The following TBC1D10A variants were observed in gnomAD, a reference collection of about 807,000 sequenced individuals.
The protein encoded by TBC1D10A is TBC1 domain family member 10A.
TBC1D10A carries 24 observed loss-of-function variants against 52.9 expected under a neutral mutation model. The ratio of observed to expected loss-of-function variants is 0.45; its 90% CI spans 0.33 to 0.64. The LOEUF (loss-of-function observed/expected upper bound fraction) is 0.64, where lower values mean the gene tolerates loss of function less well. Among genes scored for constraint, TBC1D10A ranks in the 30% least tolerant of loss-of-function variants. The pLI is 0.02. For synonymous variants in TBC1D10A, 278 were observed against 282.9 expected, an observed-to-expected ratio of 0.98 and a Z score of 0.17; for missense variants, 602 against 687.9, an observed-to-expected ratio of 0.88 and a Z score of 1.40.
intron 1 of TBC1D10A, among the ~76,000 whole-genome samples, chr22:30,319,420 A>G (rs150898642): frequency 6.6e-6 from 1 of 152,348 alleles, no homozygotes; most frequent in African/African-American, 2.4e-5. Flanking sequence ...TAGGTGCTCA[A>G]TAAATGTGTG....
chr22:30,295,784 G>A lies in TBC1D10A; in HGVS notation c.477C>T (p.His159=), dbSNP rs1930066942. The stretch of plus-strand genomic sequence containing the variant: ...ACATCTCATGGAATGGGAACTGCCG[G>A]TGCAGGTCACGCTCAATCACGTCCA... ...KWLDVIERDL[H]RQFPFHEMFV... The change falls in exon 4 of 9, where the codon CAC becomes CAT. Residue 159 remains histidine, a synonymous_variant. Transcript: ENST00000215790. 5 of 1,613,976 alleles carry A rather than the reference G, an allele frequency of 3.1e-6. No homozygotes were observed. The highest frequency in any genetic ancestry group is 2.2e-5 in the East Asian group (1 of 44,898).
rs190686863 is a variant in TBC1D10A, at chr22:30,323,826, G to T, written c.209+2847C>A. On this transcript the variant is annotated intron_variant, in intron 1 of 8. Coordinates refer to ENST00000215790, the MANE Select transcript of TBC1D10A (RefSeq NM_031937.3). ...ACTAAAAATATGAAAAATTAGCCAG[G>T]TGTGGTGATGGGTGCAATCTCTGCC... Among the ~76,000 whole-genome samples, 65 of 152,266 alleles carry T rather than the reference G, an allele frequency of 4.3e-4. 2 individuals are homozygous for T. The highest frequency in any genetic ancestry group is 1.5e-3 in the African/African-American group (64 of 41,552).
intron 1 of TBC1D10A, among the ~76,000 whole-genome samples, chr22:30,305,351 G>C (rs1412113393): frequency 6.6e-6 from 1 of 152,214 alleles, no homozygotes; most frequent in Non-Finnish European, 1.5e-5. Context: ...TCATGGAGTT[G>C]ATATTCTGGT....
chr22:30,311,000 TG>T (rs1340647667), intron 1 of TBC1D10A, among the ~76,000 whole-genome samples: 1 of 151,882 alleles, frequency 6.6e-6, no homozygotes, highest in Non-Finnish European at 1.5e-5. Flanking sequence ...TGTGGAAAAT[TG>T]GGAAGTGGAT....
At chr22:30,319,063 G>A (rs987524126) in intron 1 of TBC1D10A, among the ~76,000 whole-genome samples, 11 of 152,004 alleles carry the variant, frequency 7.2e-5, no homozygotes, top group Admixed American at 3.3e-4. Flanking sequence ...ACTGCCTCCC[G>A]TTCTTCTTGT....
intron 1 of TBC1D10A, among the ~76,000 whole-genome samples, chr22:30,306,305 GT>G (rs1241875087): frequency 1.3e-5 from 2 of 152,224 alleles, no homozygotes; most frequent in Admixed American, 6.5e-5. Context: ...GAGATTACCA[GT>G]TTCCAAAGAA....
At chr22:30,324,706 G>A (rs974304705) in intron 1 of TBC1D10A, among the ~76,000 whole-genome samples, 2 of 152,158 alleles carry the variant, frequency 1.3e-5, no homozygotes, top group African/African-American at 2.4e-5. Flanking sequence ...TGTGACAAGC[G>A]CTGTGCCAGG....
At chr22:30,299,679 G>A in intron 2 of TBC1D10A, 128 bp from the exon 3 acceptor site, 1 of 831,102 alleles carries the variant, frequency 1.2e-6, no homozygotes, top group African/African-American at 1.7e-5. Flanking sequence ...GAGAAAAGAG[G>A]ACTTTCGCCG....
chr22:30,303,135 G>T (rs954154263), intron 2 of TBC1D10A, among the ~76,000 whole-genome samples: 1 of 152,116 alleles, frequency 6.6e-6, no homozygotes, highest in African/African-American at 2.4e-5. Flanking sequence ...ACAAAAATTC[G>T]CCACGTGTGG....
intron 2 of TBC1D10A, among the ~76,000 whole-genome samples, chr22:30,301,863 T>A (rs375577716): frequency 6.6e-6 from 1 of 152,184 alleles, no homozygotes; most frequent in Non-Finnish European, 1.5e-5. Flanking sequence ...GGAAGGGGGC[T>A]GAAGGGAACT....
rs367932486 is a variant in TBC1D10A at position 30,326,570 on chromosome 22, G to T, written c.209+103C>A. 2,354 of 1,161,888 alleles carry T rather than the reference G, an allele frequency of 2.0e-3. 33 individuals are homozygous for T. In the African/African-American group the frequency reaches 0.033, roughly 16 times the overall value. The allele number at this position is 1,161,888 out of a possible 1,614,324, so 72.0% of individuals were successfully genotyped here. Reference sequence around the variant, plus strand: ...GAGGGAACGGGGATTAGTGGTCCCTGCCTGGGAGGGGGACGTGTCGGCAAG... The same window carrying T: ...GAGGGAACGGGGATTAGTGGTCCCTTCCTGGGAGGGGGACGTGTCGGCAAG... On this transcript the variant is annotated intron_variant, in intron 1 of 8. Coordinates refer to ENST00000215790, the MANE Select transcript of TBC1D10A (RefSeq NM_031937.3).
chr22:30,308,332 A>ATGCCTGCCTGCCTGCATGCC (rs1569162224), intron 1 of TBC1D10A, among the ~76,000 whole-genome samples: 6 of 45,580 alleles, frequency 1.3e-4, no homozygotes, highest in African/African-American at 6.8e-4. Context: ...GCATGCCTGC[A>ATGCCTGCCTGCCTGCATGCC]TGCCTGCCTG....
intron 1 of TBC1D10A, among the ~76,000 whole-genome samples, chr22:30,306,816 G>C (rs917179398): frequency 6.6e-6 from 1 of 152,176 alleles, no homozygotes; most frequent in Non-Finnish European, 1.5e-5. Flanking sequence ...AGCACTCAGC[G>C]TACCACATGC....
At chr22:30,304,699 C>T (rs750163070) in intron 1 of TBC1D10A, 69 bp from the exon 2 acceptor site, 61 of 1,577,396 alleles carry the variant, frequency 3.9e-5, no homozygotes, top group Non-Finnish European at 4.5e-5. Flanking sequence ...CATTCCCAGC[C>T]GCCAGCCTGG....
chr22:30,309,719 G>A (rs1003269119), intron 1 of TBC1D10A, among the ~76,000 whole-genome samples: 4 of 152,162 alleles, frequency 2.6e-5, no homozygotes, highest in South Asian at 2.1e-4. Flanking sequence ...GTTTCCTAGC[G>A]TTCTCCCAAA....
chr22:30,325,586 T>C (rs1930750901), intron 1 of TBC1D10A, among the ~76,000 whole-genome samples: 2 of 152,018 alleles, frequency 1.3e-5, no homozygotes, highest in South Asian at 4.2e-4. Flanking sequence ...GAGTGGGGTA[T>C]GGAGTCCATC....
At chr22:30,318,092 T>C (rs1203430357) in intron 1 of TBC1D10A, among the ~76,000 whole-genome samples, 4 of 152,180 alleles carry the variant, frequency 2.6e-5, no homozygotes. Context: ...CGGATGCCAC[T>C]GGTGGTGCCC....
intron 2 of TBC1D10A, chr22:30,299,787 T>C: frequency 2.7e-6 from 1 of 369,708 alleles, no homozygotes; most frequent in Middle Eastern, 8.2e-4. Flanking sequence ...GCCAACATGG[T>C]GAAACCCCGT....
chr22:30,301,857 G>A lies in TBC1D10A; in HGVS notation c.310-2306C>T, dbSNP rs1411785896. ...ACTGCCTAGAAAGGAGGCAGAGGAA[G>A]GGGGCTGAAGGGAACTGCACTAGAC... On this transcript the variant is annotated intron_variant, in intron 2 of 8. Transcript: ENST00000215790. Among the ~76,000 whole-genome samples the A allele has an allele frequency of 2.0e-5, 3 of 152,240 alleles. No homozygotes were observed. The South Asian group carries it at 6.2e-4, about 31-fold the overall frequency.
Sources: allele counts gnomAD v4.1 joint callset (sites outside exome capture counted in the v4.1 genomes callset), GRCh38; gene constraint gnomAD v4.1.1; transcripts MANE v1.5; gene names NCBI Gene and HGNC (gene_info 2026-07-23, HGNC 2026-07-21).